HMGB3: variants seen among roughly 807,000 people sequenced by gnomAD.
HMGB3 encodes the protein high mobility group protein B3.
A neutral mutation model predicts 12.9 loss-of-function variants in HMGB3; 1 was observed. That is an observed-to-expected ratio of 0.08 (90% CI 0.03 to 0.37). HMGB3 has a LOEUF of 0.37. HMGB3 is among the 10% of genes least tolerant of loss of function. The pLI is 0.99. For synonymous variants in HMGB3, 61 were observed against 53.9 expected (o/e 1.13, Z -0.57); for missense variants, 74 against 153.3 (o/e 0.48, Z 2.73).
At position 150,987,794 on chromosome X, in the gene HMGB3, G is replaced by A. The variant is rs1557425284; in HGVS notation, c.483G>A (p.Lys161=). 1 of 1,207,021 alleles carries A rather than the reference G, an allele frequency of 8.3e-7. No individual in the cohort carries two copies. Among genetic ancestry groups the A allele is most frequent in the Admixed American group, 2.2e-5 (1 of 45,679 alleles). The change falls in exon 5 of 5, where the codon AAG becomes AAA. Residue 161 remains lysine, a synonymous_variant. Coordinates refer to ENST00000325307, the MANE Select transcript of HMGB3 (RefSeq NM_005342.4). ...TCCTCTAGGATGTTGCTGACTATAA[G>A]TCGAAAGGAAAGTTTGATGGTGCAA... ...EKYEKDVADY[K]SKGKFDGAKG...
Position 150,989,356 on chromosome X carries a change from G to T in HMGB3, c.*1442G>T, listed in dbSNP as rs1413942256. ...AAACACCAAACACCCCAAGGAAGAT[G>T]ATAGGCTCCATCTTGGGCCACCTGA... is the stretch of plus-strand genomic sequence containing the variant. On this transcript the variant is annotated 3_prime_UTR_variant, in exon 5 of 5. Coordinates refer to ENST00000325307, the MANE Select transcript of HMGB3 (RefSeq NM_005342.4). 2 of 111,064 alleles carry T rather than the reference G, an allele frequency of 1.8e-5. No homozygotes were observed. The highest frequency in any genetic ancestry group is 5.6e-4 in the East Asian group (2 of 3,545). The allele number at this position is 111,064 out of a possible 1,213,427, so 9.2% of individuals were successfully genotyped here. A position where few individuals can be genotyped will look rare whatever the true frequency, so the allele number is the denominator to read the frequency against.
At position 150,983,629 on chromosome X, in the gene HMGB3, G is replaced by A. The variant is rs2048013177; in HGVS notation, c.-6+253G>A. On this transcript the variant is annotated intron_variant, in intron 1 of 4. Transcript: ENST00000325307. The stretch of plus-strand genomic sequence containing the variant: ...TTCCAACGCGTTCCCCGAGCTCCCC[G>A]CTTTCGGGGGTCGGCCCCCTCGGCG... 6 of 744,702 alleles carry A rather than the reference G, an allele frequency of 8.1e-6. 1 individual carries two copies. The highest frequency in any genetic ancestry group is 1.3e-4 in the South Asian group (2 of 14,830). The allele number at this position is 744,702 out of a possible 1,213,427, so 61.4% of individuals were successfully genotyped here. A position where few individuals can be genotyped will look rare whatever the true frequency, so the allele number is the denominator to read the frequency against.
intron 3 of HMGB3, among the ~76,000 whole-genome samples, chrX:150,986,783 A>G (rs2048057683): frequency 9.0e-6 from 1 of 110,603 alleles, no homozygotes; most frequent in Admixed American, 9.7e-5. Context: ...AGCTGGGATT[A>G]CAGACATGCA....
At chrX:150,982,824 G>A (rs1557425112), upstream of HMGB3, among the ~76,000 whole-genome samples, 2 of 113,064 alleles carry the variant, frequency 1.8e-5, no homozygotes, top group Non-Finnish European at 3.8e-5. Flanking sequence ...AGCTGCCGCC[G>A]CGTTTCTGTC....
At chrX:150,987,520 T>G (rs1557425270) in intron 4 of HMGB3, among the ~76,000 whole-genome samples, 1 of 110,729 alleles carries the variant, frequency 9.0e-6, no homozygotes, top group East Asian at 2.8e-4. Flanking sequence ...CCTTACTCTT[T>G]AAGGAAAAAA....
chrX:150,980,930 G>A (rs1226363596), upstream of HMGB3, among the ~76,000 whole-genome samples: 8 of 112,933 alleles, frequency 7.1e-5, no homozygotes, highest in South Asian at 1.4e-3. Context: ...CAACTGTGCC[G>A]TGTCACTTGC....
chrX:150,987,048 A>G, intron 3 of HMGB3, 80 bp from the exon 4 acceptor site: 1 of 727,225 alleles, frequency 1.4e-6, no homozygotes, highest in Non-Finnish European at 2.1e-6. Context: ...TAGGAGGGAG[A>G]TGCTTCTCAG....
At position 150,990,620 on chromosome X, in the gene HMGB3, A is replaced by G. The variant is rs1308758212; in HGVS notation, c.*2706A>G. Reference sequence around the variant, plus strand: ...TCTAACCACCTCACCCCATTCTTGAATGACATTTTATCCTTCGGAAAGAAC... The same window carrying G: ...TCTAACCACCTCACCCCATTCTTGAGTGACATTTTATCCTTCGGAAAGAAC... On this transcript the variant is annotated 3_prime_UTR_variant, in exon 5 of 5. Transcript: ENST00000325307. 1 of 110,099 alleles carries G rather than the reference A, an allele frequency of 9.1e-6. No homozygotes were observed. The highest frequency in any genetic ancestry group is 1.9e-5 in the Non-Finnish European group (1 of 52,794). The allele number at this position is 110,099 out of a possible 1,213,427, so 9.1% of individuals were successfully genotyped here. A position where few individuals can be genotyped will look rare whatever the true frequency, so the allele number is the denominator to read the frequency against.
chrX:150,984,990 G>A (rs782296705), intron 1 of HMGB3, among the ~76,000 whole-genome samples: 63 of 111,850 alleles, frequency 5.6e-4, no homozygotes, highest in Admixed American at 5.7e-4. Context: ...ACGAAGTGAT[G>A]AATTGAACTA....
intron 1 of HMGB3, chrX:150,984,544 G>C: frequency 1.4e-6 from 1 of 711,427 alleles, no homozygotes; most frequent in Non-Finnish European, 1.7e-6. Context: ...CGCCGCCCCC[G>C]GCCCCGCGCG....
rs1280415813 is a variant in HMGB3, at chrX:150,990,041, G to A, written c.*2127G>A. ...CACTTGTTCCAGAATTTCCCCTCCTGCTTCAGCCATGTCCTTGTCACTTGG... is the reference window on the plus strand; with the variant it reads ...CACTTGTTCCAGAATTTCCCCTCCTACTTCAGCCATGTCCTTGTCACTTGG... On this transcript the variant is annotated 3_prime_UTR_variant, in exon 5 of 5. Transcript: ENST00000325307. 8.9e-6 allele frequency: 1 copy of A among 112,218 alleles called. No individual in the cohort carries two copies. Among genetic ancestry groups the A allele is most frequent in the Non-Finnish European group, 1.9e-5 (1 of 53,287 alleles). 9.2% of individuals were successfully genotyped at this position (112,218 alleles called of 1,213,427 possible).
At position 150,989,496 on chromosome X, in the gene HMGB3, A is replaced by G. The variant is rs1390669242; in HGVS notation, c.*1582A>G. On this transcript the variant is annotated 3_prime_UTR_variant, in exon 5 of 5. Coordinates refer to ENST00000325307, the MANE Select transcript of HMGB3 (RefSeq NM_005342.4). ...CACTGGAAATGTAGATTGATGTTCA[A>G]TGTTAAACTGGAAGGAGCTTGGTTT... 2 of 111,974 alleles carry G rather than the reference A, an allele frequency of 1.8e-5. No individual in the cohort carries two copies. The highest frequency in any genetic ancestry group is 6.5e-5 in the African/African-American group (2 of 30,773). The allele number at this position is 111,974 out of a possible 1,213,427, so 9.2% of individuals were successfully genotyped here.
rs782162681 is a variant in HMGB3, at chrX:150,989,115, A to C, written c.*1201A>C. The C allele has an allele frequency of 8.9e-6, 1 of 111,825 alleles. No homozygotes were observed. Among genetic ancestry groups the C allele is most frequent in the African/African-American group, 3.2e-5 (1 of 30,813 alleles). The allele number at this position is 111,825 out of a possible 1,213,427, so 9.2% of individuals were successfully genotyped here. On this transcript the variant is annotated 3_prime_UTR_variant, in exon 5 of 5. Transcript: ENST00000325307. Reference sequence around the variant, plus strand: ...ATTTTGTGGGGCCAAATGCATTGCTAAACAGCAATTTCAGAGTGTATGGTG... The same window carrying C: ...ATTTTGTGGGGCCAAATGCATTGCTCAACAGCAATTTCAGAGTGTATGGTG...
At chrX:150,984,812 A>G (rs1603339549) in intron 1 of HMGB3, among the ~76,000 whole-genome samples, 1 of 111,873 alleles carries the variant, frequency 8.9e-6, no homozygotes, top group Non-Finnish European at 1.9e-5. Flanking sequence ...TGGGTGTGGG[A>G]AAAGGAAAAG....
intron 1 of HMGB3, among the ~76,000 whole-genome samples, chrX:150,984,210 C>T (rs1293559320): frequency 5.2e-5 from 5 of 96,654 alleles, no homozygotes; most frequent in Admixed American, 4.2e-4. Flanking sequence ...CGCTGCGGGC[C>T]CTGGAGCGGC....
In HMGB3 at chrX:150,986,140, A is replaced by G. The variant is rs1557425232; in HGVS notation, c.240A>G (p.Pro80=). 1.7e-6 allele frequency: 2 copies of G among 1,202,615 alleles called. No individual in the cohort carries two copies. The highest frequency in any genetic ancestry group is 5.9e-5 in the East Asian group (2 of 33,641). The change falls in exon 3 of 5, where the codon CCA becomes CCG. Residue 80 remains proline, a synonymous_variant. Coordinates refer to ENST00000325307, the MANE Select transcript of HMGB3 (RefSeq NM_005342.4). ...RYDREMKDYG[P]AKGGKKKKDP... Reference sequence around the variant, plus strand: ...ATCGGGAAATGAAGGATTATGGACCAGCTAAGGGAGGCAAGAAGAAGAAGG... The same window carrying G: ...ATCGGGAAATGAAGGATTATGGACCGGCTAAGGGAGGCAAGAAGAAGAAGG...
upstream of HMGB3, among the ~76,000 whole-genome samples, chrX:150,982,929 G>A (rs1426554145): frequency 8.8e-6 from 1 of 113,198 alleles, no homozygotes; most frequent in Non-Finnish European, 1.9e-5. Flanking sequence ...CTGACTGCAG[G>A]CCAGGGGCGC....
upstream of HMGB3, chrX:150,980,641 C>A: frequency 6.8e-6 from 5 of 740,227 alleles, no homozygotes; most frequent in Non-Finnish European, 6.4e-6. Context: ...TTTCATCATT[C>A]GAAGTATGTG....
intron 1 of HMGB3, chrX:150,984,573 G>A: frequency 1.3e-6 from 1 of 747,499 alleles, no homozygotes; most frequent in Non-Finnish European, 1.6e-6. Flanking sequence ...GGATGACAGC[G>A]GCGGATTTCA....
Sources: allele counts gnomAD v4.1 joint callset (sites outside exome capture counted in the v4.1 genomes callset), GRCh38; gene constraint gnomAD v4.1.1; transcripts MANE v1.5; gene names NCBI Gene and HGNC (gene_info 2026-07-23, HGNC 2026-07-21).